Variants in CSMD1 observed in about 807,000 individuals in gnomAD.
The protein encoded by CSMD1 is CUB and sushi domain-containing protein 1.
A neutral mutation model predicts 417.5 loss-of-function variants in CSMD1; 213 were observed. That is an observed-to-expected ratio of 0.51 (90% CI 0.46 to 0.57). The LOEUF is 0.57. Among genes scored for constraint, CSMD1 ranks in the 20% least tolerant of loss-of-function variants. The pLI is 0.00. For synonymous variants in CSMD1, 2,862 were observed against 1,736.8 expected (o/e 1.65, Z -16.11); for missense variants, 6,923 against 4,529.7 (o/e 1.53, Z -15.17).
chr8:4,863,062 G>A (rs2116881424), intron 1 of CSMD1, among the ~76,000 whole-genome samples: 1 of 152,166 alleles, frequency 6.6e-6, no homozygotes, highest in East Asian at 1.9e-4. Context: ...GGTCCCTGGT[G>A]ATTCTGGTGA....
intron 3 of CSMD1, among the ~76,000 whole-genome samples, chr8:4,081,250 G>C (rs1194917479): frequency 6.6e-6 from 1 of 152,166 alleles, no homozygotes; most frequent in Non-Finnish European, 1.5e-5. Context: ...AAGCATTGTG[G>C]TAGCTCATTT....
At chr8:3,850,214 T>A (rs1024364576) in intron 5 of CSMD1, among the ~76,000 whole-genome samples, 1 of 152,230 alleles carries the variant, frequency 6.6e-6, no homozygotes, top group African/African-American at 2.4e-5. Flanking sequence ...TTTCTTTATA[T>A]CAAAGGCTCC....
chr8:4,925,106 T>G (rs1351538290), intron 1 of CSMD1, among the ~76,000 whole-genome samples: 2 of 151,850 alleles, frequency 1.3e-5, no homozygotes, highest in African/African-American at 2.4e-5. Flanking sequence ...CAGAATGAAC[T>G]AGCATTATAA....
At chr8:3,421,824 G>A (rs1257211419) in intron 12 of CSMD1, among the ~76,000 whole-genome samples, 1 of 152,052 alleles carries the variant, frequency 6.6e-6, no homozygotes, top group Admixed American at 6.5e-5. Flanking sequence ...TTTTCGTACA[G>A]ACAGGGTTTC....
At position 3,452,129 on chromosome 8, in the gene CSMD1, T is replaced by G. The variant is rs562463661; in HGVS notation, c.1561+16583A>C. ...TTGGCTCTCTGTTTGTCTGTTATTG[T>G]TTTATAAGAATGCTTGTGATTTTTG... On this transcript the variant is annotated intron_variant, in intron 12 of 69. Transcript: ENST00000635120. Among the ~76,000 whole-genome samples the G allele has an allele frequency of 4.3e-3, 649 of 152,242 alleles. 2 individuals carry two copies. The highest frequency in any genetic ancestry group is 0.015 in the African/African-American group (609 of 41,554).
chr8:4,298,405 T>C (rs965410145), intron 3 of CSMD1, among the ~76,000 whole-genome samples: 2 of 152,136 alleles, frequency 1.3e-5, no homozygotes, highest in Admixed American at 6.5e-5. Flanking sequence ...AAGAATACCA[T>C]ACTAGACACT....
chr8:3,798,130 T>C (rs909866541), intron 5 of CSMD1, among the ~76,000 whole-genome samples: 7 of 152,200 alleles, frequency 4.6e-5, no homozygotes, highest in Admixed American at 2.6e-4. Flanking sequence ...GAATTCAGTA[T>C]ATAAATATGT....
intron 2 of CSMD1, among the ~76,000 whole-genome samples, chr8:4,616,426 C>T (rs1801478901): frequency 6.6e-6 from 1 of 152,178 alleles, no homozygotes; most frequent in South Asian, 2.1e-4. Context: ...TTTAAGAACA[C>T]TGGCTATTTA....
At chr8:3,369,686 T>C (rs553533812) in intron 18 of CSMD1, among the ~76,000 whole-genome samples, 2 of 152,334 alleles carry the variant, frequency 1.3e-5, no homozygotes, top group South Asian at 4.1e-4. Context: ...CCGCTGGTCT[T>C]CTTAGCAGCA....
intron 1 of CSMD1, among the ~76,000 whole-genome samples, chr8:4,657,858 A>G (rs954563398): frequency 6.6e-6 from 1 of 152,086 alleles, no homozygotes; most frequent in East Asian, 1.9e-4. Flanking sequence ...GGAGAATGGC[A>G]TCTGAACAAG....
chr8:3,061,645 T>C (rs138684825), intron 49 of CSMD1, among the ~76,000 whole-genome samples: 22 of 152,266 alleles, frequency 1.4e-4, no homozygotes, highest in African/African-American at 5.3e-4. Context: ...ACTGACCCCA[T>C]GACTCAGAAA....
At chr8:4,292,965 G>A (rs535361291) in intron 3 of CSMD1, among the ~76,000 whole-genome samples, 236 of 152,328 alleles carry the variant, frequency 1.5e-3, no homozygotes, top group African/African-American at 5.5e-3. Flanking sequence ...GCACTCCAGA[G>A]GCAAAAGACG....
At chr8:2,966,881 G>T (rs1804007472) in intron 57 of CSMD1, 135 bp from the exon 58 acceptor site, 7 of 725,348 alleles carry the variant, frequency 9.7e-6, no homozygotes, top group Non-Finnish European at 1.6e-5. Flanking sequence ...TCCTATGGAA[G>T]TTCCTTAACA....
chr8:4,435,000 T>C (rs1377210597), intron 2 of CSMD1, among the ~76,000 whole-genome samples: 1 of 152,350 alleles, frequency 6.6e-6, no homozygotes, highest in East Asian at 1.9e-4. Flanking sequence ...TGCATACTTT[T>C]GTCTACTCTT....
chr8:4,099,365 T>A (rs1436497404), intron 3 of CSMD1, among the ~76,000 whole-genome samples: 1 of 152,104 alleles, frequency 6.6e-6, no homozygotes, highest in African/African-American at 2.4e-5. Flanking sequence ...TCATAAAATC[T>A]GGTAATCACG....
At chr8:4,434,065 T>C (rs371406372) in intron 2 of CSMD1, among the ~76,000 whole-genome samples, 59 of 152,294 alleles carry the variant, frequency 3.9e-4, no homozygotes, top group African/African-American at 1.3e-3. Context: ...GGGCTGGACA[T>C]TGGGACTCAC....
intron 2 of CSMD1, among the ~76,000 whole-genome samples, chr8:4,500,452 A>C (rs1169383370): frequency 6.6e-6 from 1 of 152,208 alleles, no homozygotes; most frequent in Admixed American, 6.5e-5. Context: ...TAAACAAACT[A>C]TTGAACAAAA....
At chr8:3,612,601 A>C (rs753362392) in intron 8 of CSMD1, among the ~76,000 whole-genome samples, 16 of 152,180 alleles carry the variant, frequency 1.1e-4, no homozygotes, top group Non-Finnish European at 1.9e-4. Context: ...GATCCTTTAA[A>C]GCATAATCTC....
chr8:3,766,495 G>A (rs936581540), intron 5 of CSMD1, among the ~76,000 whole-genome samples: 2 of 152,076 alleles, frequency 1.3e-5, no homozygotes, highest in African/African-American at 4.8e-5. Context: ...CAAACAGGGA[G>A]ACACCCTTTG....
Sources: gnomAD v4.1 joint callset for allele counts (sites outside exome capture counted in the v4.1 genomes callset) on GRCh38, gnomAD v4.1.1 for gene constraint, MANE v1.5 for transcripts, NCBI Gene and HGNC (gene_info 2026-07-23, HGNC 2026-07-21) for gene names.